TCF7L2: variants seen among roughly 807,000 people sequenced by gnomAD.
TCF7L2 encodes the protein transcription factor 7-like 2.
Under a neutral mutation model 77.9 loss-of-function variants are expected in TCF7L2, and 23 were observed. The ratio of observed to expected loss-of-function variants is 0.30; its 90% CI spans 0.21 to 0.42. The LOEUF (loss-of-function observed/expected upper bound fraction) is 0.42. Ranked by LOEUF, TCF7L2 falls within the 10% of genes least tolerant of loss-of-function variation. The probability of loss-of-function intolerance (pLI) is 1.00; values close to 1 mark genes in which losing one functional copy is unlikely to be tolerated. For missense variants in TCF7L2, 654 were observed against 793.1 expected (o/e 0.82, Z 2.11); for synonymous variants, 413 against 340.2 (o/e 1.21, Z -2.36).
Position 113,151,705 on chromosome 10 carries a change from T to C in TCF7L2, c.1002-20T>C, listed in dbSNP as rs2070789891. 6.4e-7 allele frequency: 1 copy of C among 1,569,976 alleles called. No homozygotes were observed. The highest frequency in any genetic ancestry group is 1.4e-5 in the African/African-American group (1 of 72,486). ...CCACGACCTTGTTTATTGGGTTGCG[T>C]CTGTTTTGTCTATCTCCAGAAAGCA... On this transcript the variant is annotated intron_variant, in intron 9 of 13. Coordinates refer to ENST00000627217, the MANE Select transcript of TCF7L2 (RefSeq NM_001146274.2). This position sits in a 1 kb window ranked among gnomAD's most constrained non-coding sequence, Gnocchi z 5.2.
intron 4 of TCF7L2, among the ~76,000 whole-genome samples, chr10:112,973,513 C>T (rs554220432): frequency 1.3e-5 from 2 of 152,134 alleles, no homozygotes; most frequent in Non-Finnish European, 1.5e-5. Flanking sequence ...TACCACTTCC[C>T]CACACTGGAT....
At chr10:113,025,555 A>G (rs897626454) in intron 4 of TCF7L2, among the ~76,000 whole-genome samples, 15 of 151,648 alleles carry the variant, frequency 9.9e-5, no homozygotes, top group Non-Finnish European at 2.1e-4. Context: ...AATTTTTTAT[A>G]TTTTTTGTAG....
intron 5 of TCF7L2, among the ~76,000 whole-genome samples, chr10:113,108,828 A>T (rs996019077): frequency 2.0e-5 from 3 of 152,156 alleles, no homozygotes; most frequent in African/African-American, 7.2e-5. Context: ...CACTTCTTCC[A>T]CTTTAGGAAT....
chr10:113,085,226 A>AT (rs397702488), intron 5 of TCF7L2, among the ~76,000 whole-genome samples: 8,694 of 139,624 alleles, frequency 0.062, 853 homozygotes, highest in East Asian at 0.46. Context: ...ACATCTGGCT[A>AT]TTTTTTTTTT....
intron 6 of TCF7L2, among the ~76,000 whole-genome samples, chr10:113,143,550 C>G (rs1399371961): frequency 6.6e-6 from 1 of 152,120 alleles, no homozygotes; most frequent in Non-Finnish European, 1.5e-5. Flanking sequence ...GGGTGAAGGG[C>G]CAGAGTTGTA....
At chr10:113,089,883 G>C (rs780255182) in intron 5 of TCF7L2, among the ~76,000 whole-genome samples, 1 of 152,138 alleles carries the variant, frequency 6.6e-6, no homozygotes, top group Non-Finnish European at 1.5e-5. Flanking sequence ...CCCAGGAAGT[G>C]TCTCTTGGGA....
chr10:113,101,837 C>G (rs182886709), intron 5 of TCF7L2, among the ~76,000 whole-genome samples: 1 of 13,474 alleles, frequency 7.4e-5, no homozygotes, highest in Admixed American at 1.1e-3. Flanking sequence ...AGCGAGACTC[C>G]GTCTCAAAAA....
chr10:113,106,102 A>G (rs1432373355), intron 5 of TCF7L2, among the ~76,000 whole-genome samples: 1 of 152,156 alleles, frequency 6.6e-6, no homozygotes, highest in Admixed American at 6.5e-5. Flanking sequence ...AAAGTAAAAT[A>G]ACTCAGGTCA....
intron 5 of TCF7L2, among the ~76,000 whole-genome samples, chr10:113,043,694 C>T (rs1269519528): frequency 2.0e-5 from 3 of 152,128 alleles, no homozygotes; most frequent in African/African-American, 4.8e-5. Context: ...CCAGCCTCCC[C>T]AGTCCTATTT....
intron 4 of TCF7L2, among the ~76,000 whole-genome samples, chr10:112,972,215 T>A (rs1017409724): frequency 2.0e-5 from 3 of 152,192 alleles, no homozygotes; most frequent in African/African-American, 7.2e-5. Flanking sequence ...TGGGATAATA[T>A]TTTCTTATTT....
At position 113,031,767 on chromosome 10, in the gene TCF7L2, G is replaced by T. The variant is rs1477574632; in HGVS notation, c.451-8258G>T. Among the ~76,000 whole-genome samples the T allele has an allele frequency of 3.3e-5, 5 of 152,116 alleles. No homozygotes were observed. The East Asian group carries it at 5.8e-4, about 18-fold the overall frequency. Reference sequence around the variant, plus strand: ...GCCTCTTAAAGTGCTGGGATTACAGGCATGAGCCACTGTGTCTGGCCCTAC... The same window carrying T: ...GCCTCTTAAAGTGCTGGGATTACAGTCATGAGCCACTGTGTCTGGCCCTAC... On this transcript the variant is annotated intron_variant, in intron 4 of 13. Coordinates refer to ENST00000627217, the MANE Select transcript of TCF7L2 (RefSeq NM_001146274.2).
intron 5 of TCF7L2, among the ~76,000 whole-genome samples, chr10:113,110,887 T>TAGCCAACA (rs2063040619): frequency 6.6e-6 from 1 of 152,156 alleles, no homozygotes; most frequent in South Asian, 2.1e-4. Context: ...TCAGACAAAA[T>TAGCCAACA]AGCCAACAGC....
At chr10:113,034,337 C>T (rs1368032498) in intron 4 of TCF7L2, among the ~76,000 whole-genome samples, 8 of 152,020 alleles carry the variant, frequency 5.3e-5, no homozygotes, top group Non-Finnish European at 1.2e-4. Flanking sequence ...AATCGTGGTG[C>T]GGTCTTTTGT....
chr10:113,058,924 A>G lies in TCF7L2; in HGVS notation c.552+18798A>G, dbSNP rs1349477595. 1.3e-5 allele frequency among the ~76,000 whole-genome samples: 2 copies of G among 152,204 alleles called. 1 individual carries two copies. The highest frequency in any genetic ancestry group is 2.9e-5 in the Non-Finnish European group (2 of 68,038). ...TTTAGTTAATGCCCGCTCTGCAAAC[A>G]GGAAACGGTGCTCACTGCTGTGTAT... On this transcript the variant is annotated intron_variant, in intron 5 of 13. Coordinates refer to ENST00000627217, the MANE Select transcript of TCF7L2 (RefSeq NM_001146274.2).
intron 5 of TCF7L2, among the ~76,000 whole-genome samples, chr10:113,077,705 T>C (rs1361778734): frequency 3.4e-5 from 5 of 147,686 alleles, no homozygotes; most frequent in Admixed American, 6.7e-5. Flanking sequence ...TTTTCTTCTT[T>C]TTTTTTTTTT....
chr10:113,111,653 G>T (rs976420084), intron 5 of TCF7L2, among the ~76,000 whole-genome samples: 1 of 152,008 alleles, frequency 6.6e-6, no homozygotes, highest in Admixed American at 6.6e-5. Context: ...TTAGCCAGGC[G>T]TGGTGGCATG....
chr10:113,146,084 G>T lies in TCF7L2; in HGVS notation c.862G>T (p.Ala288Ser), dbSNP rs1233204426. Reference sequence around the variant, plus strand: ...CTACCCCACAGCTCTGACCGTCAATGCTTCCATGTCCAGGTGAGTTCCAAG... The same window carrying T: ...CTACCCCACAGCTCTGACCGTCAATTCTTCCATGTCCAGGTGAGTTCCAAG... Residue 288 changes from alanine to serine, a missense_variant, in exon 8 of 14, where the codon GCT (alanine) becomes TCT (serine). Coordinates refer to ENST00000627217, the MANE Select transcript of TCF7L2 (RefSeq NM_001146274.2). The T allele has an allele frequency of 1.2e-6, 2 of 1,611,692 alleles. No individual in the cohort carries two copies. The highest frequency in any genetic ancestry group is 1.7e-6 in the Non-Finnish European group (2 of 1,179,004).
chr10:112,952,204 T>C (rs2031861718), intron 3 of TCF7L2, among the ~76,000 whole-genome samples: 1 of 152,168 alleles, frequency 6.6e-6, no homozygotes, highest in South Asian at 2.1e-4. Context: ...GAGAGGCTCC[T>C]TGGCTTTCTC....
At chr10:113,051,097 G>A (rs2054349097) in intron 5 of TCF7L2, among the ~76,000 whole-genome samples, 1 of 151,718 alleles carries the variant, frequency 6.6e-6, no homozygotes, top group Admixed American at 6.6e-5. Context: ...TGTTGCACAT[G>A]TGATTAGGCA....
Sources: gnomAD v4.1 joint callset for allele counts (sites outside exome capture counted in the v4.1 genomes callset) on GRCh38, gnomAD v4.1.1 for gene constraint, Gnocchi (gnomAD v3.1) non-coding constraint, MANE v1.5 for transcripts, NCBI Gene and HGNC (gene_info 2026-07-23, HGNC 2026-07-21) for gene names.